The following HSPG2 variants were observed in gnomAD, a reference collection of about 807,000 sequenced individuals.
HSPG2 encodes basement membrane-specific heparan sulfate proteoglycan core protein.
A neutral mutation model predicts 526.6 loss-of-function variants in HSPG2; 278 were observed. That is an observed-to-expected ratio of 0.53 (90% CI 0.48 to 0.58). HSPG2 has a LOEUF of 0.58. Ranked by LOEUF, HSPG2 falls within the 20% of genes least tolerant of loss-of-function variation. HSPG2 has a pLI of 0.00. For synonymous variants in HSPG2, 2,465 were observed against 2,555.4 expected, an observed-to-expected ratio of 0.96 and a Z score of 1.07; for missense variants, 5,354 against 6,099.5, an observed-to-expected ratio of 0.88 and a Z score of 4.07.
At chr1:21,846,728 G>C in intron 62 of HSPG2, 129 bp from the exon 63 acceptor site, 2 of 1,051,594 alleles carry the variant, frequency 1.9e-6, no homozygotes, top group South Asian at 2.7e-5. Context: ...GGCCGGGCAT[G>C]GTGGCTCATG....
rs566196133 is a variant in HSPG2 at position 21,848,387 on chromosome 1, C to A, written c.7737+256G>T. 2.0e-5 allele frequency among the ~76,000 whole-genome samples: 3 copies of A among 152,214 alleles called. No individual in the cohort carries two copies. The South Asian group carries it at 6.2e-4, about 32-fold the overall frequency. On this transcript the variant is annotated intron_variant, in intron 59 of 96. Transcript: ENST00000374695. The surrounding 1 kb of genome is among the most constrained non-coding windows in gnomAD (Gnocchi z 4.9). ...AGAGCAGGCAACTGTCTCATTCCAT[C>A]TGGAATCTTCAGTGTCAGGCACAGG...
At position 21,839,101 on chromosome 1, in the gene HSPG2, CAG is replaced by C. The variant is rs760567324; in HGVS notation, c.9890-18_9890-17del. ...TATGGTGGGCCTGAGTGGGGGGACA[CAG>C]AGGTCAGGATTGGGGAGGGCAAAGG... On this transcript the variant is annotated splice_polypyrimidine_tract_variant and intron_variant, in intron 73 of 96. Transcript: ENST00000374695. The surrounding 1 kb of genome is among the most constrained non-coding windows in gnomAD (Gnocchi z 4.5). 6.4e-7 allele frequency: 1 copy of C among 1,570,428 alleles called. No individual in the cohort carries two copies. The highest frequency in any genetic ancestry group is 8.7e-7 in the Non-Finnish European group (1 of 1,154,006).
In HSPG2 at chr1:21,887,765, C is replaced by T. The variant is rs1056978842; in HGVS notation, c.704-91G>A. 39 of 1,559,564 alleles carry T rather than the reference C, an allele frequency of 2.5e-5. No individual in the cohort carries two copies. The highest frequency in any genetic ancestry group is 3.2e-5 in the Non-Finnish European group (36 of 1,132,640). ...ACCCTCCCCAGGCCCACCCTGTACT[C>T]CCCAACACCACTCCCTGCCACCCCC... On this transcript the variant is annotated intron_variant, in intron 7 of 96. Coordinates refer to ENST00000374695, the MANE Select transcript of HSPG2 (RefSeq NM_005529.7). This position sits in a 1 kb window ranked among gnomAD's most constrained non-coding sequence, Gnocchi z 5.0.
chr1:21,933,159 G>T (rs1644388672), intron 1 of HSPG2, among the ~76,000 whole-genome samples: 1 of 151,840 alleles, frequency 6.6e-6, no homozygotes, highest in African/African-American at 2.4e-5. Context: ...GGTTGAGGCA[G>T]CGGTGAGCTG....
At chr1:21,931,217 C>G (rs929347089) in intron 1 of HSPG2, among the ~76,000 whole-genome samples, 9 of 152,256 alleles carry the variant, frequency 5.9e-5, no homozygotes, top group Non-Finnish European at 1.2e-4. Context: ...CCACGAGCCA[C>G]ACCCCTCTCA....
chr1:21,842,643 C>A, intron 67 of HSPG2, 127 bp downstream of exon 67: 1 of 1,272,166 alleles, frequency 7.9e-7, no homozygotes. Flanking sequence ...GTGAACTCGT[C>A]CCGCAAACGT....
Position 21,854,351 on chromosome 1 carries a change from A to T in HSPG2, c.6289-8T>A, listed in dbSNP as rs1469802400. The T allele has an allele frequency of 1.3e-6, 2 of 1,563,344 alleles. No homozygotes were observed. The highest frequency in any genetic ancestry group is 1.3e-5 in the African/African-American group (1 of 74,190). On this transcript the variant is annotated splice_polypyrimidine_tract_variant and splice_region_variant and intron_variant, in intron 49 of 96. Coordinates refer to ENST00000374695, the MANE Select transcript of HSPG2 (RefSeq NM_005529.7). ...CAGACGGGAGCCGTGCACCTGGGCC[A>T]GGAGGAGCCAGAGGTACGTGAGGAC...
intron 33 of HSPG2, chr1:21,869,339 T>G: frequency 7.6e-6 from 4 of 525,898 alleles, no homozygotes; most frequent in Non-Finnish European, 9.7e-6. Flanking sequence ...ATGATTGATT[T>G]AAGAGAAAAT....
chr1:21,851,691 C>G lies in HSPG2; in HGVS notation c.7013G>C (p.Gly2338Ala). 2.5e-6 allele frequency: 4 copies of G among 1,613,980 alleles called. No homozygotes were observed. The highest frequency in any genetic ancestry group is 3.4e-6 in the Non-Finnish European group (4 of 1,180,020). Residue 2338 changes from glycine to alanine, a missense_variant, in exon 55 of 97, where the codon GGC becomes GCC. Coordinates refer to ENST00000374695, the MANE Select transcript of HSPG2 (RefSeq NM_005529.7). ...TQGANLAYPA[G>A]STQPIRIEPS... is the part of the protein sequence containing the mutation. ...CTCGATGCGGATGGGCTGGGTGCTG[C>G]CGGCAGCTGAGGGATAAGATGGTCA...
chr1:21,833,998 C>T (rs1247415600), intron 77 of HSPG2, 73 bp from the exon 78 acceptor site: 4 of 986,762 alleles, frequency 4.1e-6, no homozygotes, highest in Non-Finnish European at 6.3e-6. Flanking sequence ...CACCCTGATT[C>T]ATTTCATCTT....
At chr1:21,912,892 A>C (rs1643746858) in intron 1 of HSPG2, among the ~76,000 whole-genome samples, 1 of 151,972 alleles carries the variant, frequency 6.6e-6, no homozygotes, top group Non-Finnish European at 1.5e-5. Context: ...AGGCAGGAGA[A>C]TCACTTGAAC....
intron 1 of HSPG2, among the ~76,000 whole-genome samples, chr1:21,913,409 G>C (rs1188687791): frequency 6.6e-6 from 1 of 152,202 alleles, no homozygotes; most frequent in East Asian, 1.9e-4. Flanking sequence ...CGACATCCCA[G>C]GGACTCGGGT....
At position 21,895,507 on chromosome 1, in the gene HSPG2, G is replaced by A. The variant is rs1642683009; in HGVS notation, c.244+415C>T. Among the ~76,000 whole-genome samples the A allele has an allele frequency of 6.6e-6, 1 of 152,296 alleles. No homozygotes were observed. Among genetic ancestry groups the A allele is most frequent in the Non-Finnish European group, 1.5e-5 (1 of 68,012 alleles). On this transcript the variant is annotated intron_variant, in intron 3 of 96. Coordinates refer to ENST00000374695, the MANE Select transcript of HSPG2 (RefSeq NM_005529.7). The surrounding 1 kb of genome is among the most constrained non-coding windows in gnomAD (Gnocchi z 4.1). Reference sequence around the variant, plus strand: ...TGCCCTGCTGCCTGCCTGAATGCCCGATTCCACAGAGCCCCTCTGTTCCAC... The same window carrying A: ...TGCCCTGCTGCCTGCCTGAATGCCCAATTCCACAGAGCCCCTCTGTTCCAC...
intron 1 of HSPG2, among the ~76,000 whole-genome samples, chr1:21,897,109 C>A (rs1158539989): frequency 6.6e-6 from 1 of 152,206 alleles, no homozygotes; most frequent in Non-Finnish European, 1.5e-5. Flanking sequence ...AGGTGTGGGT[C>A]CGGGCAATGA....
Position 21,824,343 on chromosome 1 carries a change from T to TG in HSPG2, c.12777dup (p.Ile4260HisfsTer18). 6.2e-7 allele frequency: 1 copy of TG among 1,613,860 alleles called. No homozygotes were observed. Among genetic ancestry groups the TG allele is most frequent in the East Asian group, 2.2e-5 (1 of 44,876 alleles). On this transcript the variant is annotated frameshift_variant, in exon 94 of 97. Coordinates refer to ENST00000374695, the MANE Select transcript of HSPG2 (RefSeq NM_005529.7). LOFTEE classifies it high-confidence loss of function. The surrounding 1 kb of genome is among the most constrained non-coding windows in gnomAD (Gnocchi z 5.9). ...TGCCCGTCTTGAAGCCCGAGGCTGA[T>TG]GAAGTCCTTGCCTTGGCCGGCCTCT...
intron 74 of HSPG2, among the ~76,000 whole-genome samples, chr1:21,838,536 G>A (rs1222808489): frequency 6.6e-6 from 1 of 152,256 alleles, no homozygotes; most frequent in East Asian, 1.9e-4. Context: ...TCACTGCCTG[G>A]CAGGGGAGGC....
chr1:21,885,038 A>G lies in HSPG2; in HGVS notation c.1330T>C (p.Trp444Arg), dbSNP rs1383181926. ...PTPIINWRLNWGHIPSHPRVT... is the reference protein window; with the variant it reads ...PTPIINWRLNRGHIPSHPRVT... Reference sequence around the variant, plus strand: ...CTGGGATGAGAGGGGATGTGGCCCCAGTTGAGCCTCCAATTGATGATGGGG... The same window carrying G: ...CTGGGATGAGAGGGGATGTGGCCCCGGTTGAGCCTCCAATTGATGATGGGG... The change falls in exon 11 of 97, where the codon TGG becomes CGG. Residue 444 changes from tryptophan (W) to arginine (R), a missense_variant. By Grantham distance (101) the Trp-to-Arg change is moderately radical. Coordinates refer to ENST00000374695, the MANE Select transcript of HSPG2 (RefSeq NM_005529.7). 1.2e-6 allele frequency: 2 copies of G among 1,613,788 alleles called. No homozygotes were observed. The highest frequency in any genetic ancestry group is 3.3e-5 in the Admixed American group (2 of 60,008).
At position 21,847,508 on chromosome 1, in the gene HSPG2, G is replaced by C. The variant is rs1638534981; in HGVS notation, c.8026-16C>G. 1 of 1,613,584 alleles carries C rather than the reference G, an allele frequency of 6.2e-7. No individual in the cohort carries two copies. Among genetic ancestry groups the C allele is most frequent in the East Asian group, 2.2e-5 (1 of 44,892 alleles). On this transcript the variant is annotated splice_polypyrimidine_tract_variant and intron_variant, in intron 61 of 96. Transcript: ENST00000374695. The surrounding 1 kb of genome is among the most constrained non-coding windows in gnomAD (Gnocchi z 4.1). ...AGCCATGGGTCTGGACGTGCGGATG[G>C]GGAAGGAGAGGGAGAGGGAGTGGAG...
At position 21,890,167 on chromosome 1, in the gene HSPG2, G is replaced by GA. The variant is rs1557793713; in HGVS notation, c.414-27dup. The GA allele has an allele frequency of 6.2e-7, 1 of 1,613,464 alleles. No homozygotes were observed. Among genetic ancestry groups the GA allele is most frequent in the East Asian group, 2.2e-5 (1 of 44,870 alleles). On this transcript the variant is annotated intron_variant, in intron 5 of 96. Transcript: ENST00000374695. This position sits in a 1 kb window ranked among gnomAD's most constrained non-coding sequence, Gnocchi z 4.1. The stretch of plus-strand genomic sequence containing the variant: ...CTGGGGATGGAGACAGGCAGGAGAG[G>GA]AGGGTCAGCGAGACACCTGTGTTCT...
Sources: gnomAD v4.1 joint callset for allele counts (sites outside exome capture counted in the v4.1 genomes callset) on GRCh38, gnomAD v4.1.1 for gene constraint, Gnocchi (gnomAD v3.1) non-coding constraint, MANE v1.5 for transcripts, NCBI Gene and HGNC (gene_info 2026-07-23, HGNC 2026-07-21) for gene names.